The following FMN2 variants were observed in gnomAD, a reference collection of about 807,000 sequenced individuals.
The protein encoded by FMN2 is formin-2.
FMN2 carries 51 observed loss-of-function variants against 142.3 expected under a neutral mutation model. That is an observed-to-expected ratio of 0.36 (90% CI 0.29 to 0.45). The LOEUF (loss-of-function observed/expected upper bound fraction) is 0.45, where lower values mean the gene tolerates loss of function less well. FMN2 is among the 20% of genes least tolerant of loss of function. The probability of loss-of-function intolerance (pLI) is 1.00; values close to 1 mark genes in which losing one functional copy is unlikely to be tolerated. For synonymous variants in FMN2, 882 were observed against 869.8 expected (o/e 1.01, Z -0.25); for missense variants, 1,936 against 2,122.8 (o/e 0.91, Z 1.73).
rs1054910739 is a variant in FMN2 at position 240,241,227 on chromosome 1, A to AT, written c.4066-16708dup. Among the ~76,000 whole-genome samples, 404 of 141,128 alleles carry AT rather than the reference A, an allele frequency of 2.9e-3. 2 individuals carry two copies. Among genetic ancestry groups the AT allele is most frequent in the South Asian group, 0.025 (109 of 4,442 alleles). 92.6% of individuals were successfully genotyped at this position (141,128 alleles called of 152,430 possible). On this transcript the variant is annotated intron_variant, in intron 6 of 17. Coordinates refer to ENST00000319653, the MANE Select transcript of FMN2 (RefSeq NM_020066.5). ...CACTTTGGTGTATTTTCAACTCTGG[A>AT]TTTTTTTTTTAATTGTATTTTTTTT... is the stretch of plus-strand genomic sequence containing the variant.
chr1:240,107,588 C>T (rs1052509850), intron 1 of FMN2, among the ~76,000 whole-genome samples: 1 of 151,958 alleles, frequency 6.6e-6, no homozygotes, highest in Non-Finnish European at 1.5e-5. Flanking sequence ...AAATTCATAA[C>T]CTGTCATAGG....
chr1:240,252,931 A>G (rs1668324232), intron 6 of FMN2, among the ~76,000 whole-genome samples: 1 of 117,646 alleles, frequency 8.5e-6, no homozygotes, highest in Non-Finnish European at 1.7e-5. Flanking sequence ...ATGGTGTCCC[A>G]TGTGTGATGT....
chr1:240,197,488 G>A (rs1368506939), intron 4 of FMN2, among the ~76,000 whole-genome samples: 1 of 152,178 alleles, frequency 6.6e-6, no homozygotes, highest in African/African-American at 2.4e-5. Flanking sequence ...GCTTGCATAT[G>A]AAGTGGGGGC....
chr1:240,468,863 G>A (rs553754740), intron 16 of FMN2, among the ~76,000 whole-genome samples: 3 of 152,116 alleles, frequency 2.0e-5, no homozygotes, highest in Non-Finnish European at 4.4e-5. Context: ...GGCTGTCTTC[G>A]TACCGACTTC....
intron 16 of FMN2, among the ~76,000 whole-genome samples, chr1:240,464,789 A>G (rs1676559665): frequency 6.6e-6 from 1 of 152,190 alleles, no homozygotes; most frequent in South Asian, 2.1e-4. Flanking sequence ...ACATTCCTGT[A>G]GTCCCTCCAG....
At chr1:240,462,195 T>G (rs565896632) in intron 16 of FMN2, among the ~76,000 whole-genome samples, 1 of 152,304 alleles carries the variant, frequency 6.6e-6, no homozygotes, top group East Asian at 1.9e-4. Flanking sequence ...AATGATTTTT[T>G]GGAATGAAAA....
rs373271766 is a variant in FMN2 at position 240,110,714 on chromosome 1, T to C, written c.1616-12465T>C. On this transcript the variant is annotated intron_variant, in intron 1 of 17. Coordinates refer to ENST00000319653, the MANE Select transcript of FMN2 (RefSeq NM_020066.5). ...CGTGAGGGGATTAGTACAGCAATAA[T>C]TGGAGAACATTAATGATTAATAAGT... Among the ~76,000 whole-genome samples, 27 of 152,080 alleles carry C rather than the reference T, an allele frequency of 1.8e-4. No homozygotes were observed. The South Asian group carries it at 5.6e-3, about 32-fold the overall frequency.
chr1:240,397,875 C>A (rs1673838608), intron 15 of FMN2, among the ~76,000 whole-genome samples: 1 of 150,670 alleles, frequency 6.6e-6, no homozygotes, highest in Non-Finnish European at 1.5e-5. Flanking sequence ...CCAAAATGGG[C>A]ACTATGACCT....
At position 240,122,174 on chromosome 1, in the gene FMN2, G is replaced by A. The variant is rs146490513; in HGVS notation, c.1616-1005G>A. Among the ~76,000 whole-genome samples, 1,276 of 152,046 alleles carry A rather than the reference G, an allele frequency of 8.4e-3. 5 individuals carry two copies. Among genetic ancestry groups the A allele is most frequent in the South Asian group, 0.02 (97 of 4,810 alleles). Reference sequence around the variant, plus strand: ...GTGATCGCGGCTCACTGCAACCTCTGCCTCCTGGGTTCAAGCGATTCTCCT... The same window carrying A: ...GTGATCGCGGCTCACTGCAACCTCTACCTCCTGGGTTCAAGCGATTCTCCT... On this transcript the variant is annotated intron_variant, in intron 1 of 17. Transcript: ENST00000319653.
At chr1:240,119,111 C>T (rs537700889) in intron 1 of FMN2, among the ~76,000 whole-genome samples, 2 of 151,814 alleles carry the variant, frequency 1.3e-5, no homozygotes, top group African/African-American at 2.4e-5. Flanking sequence ...GGGCGGATCA[C>T]GAGGTCAGGA....
intron 8 of FMN2, among the ~76,000 whole-genome samples, chr1:240,304,373 T>G (rs1163281977): frequency 6.6e-6 from 1 of 152,232 alleles, no homozygotes; most frequent in African/African-American, 2.4e-5. Context: ...TTTTGATTTT[T>G]GTAGTTTATC....
At chr1:240,156,326 TA>T (rs373933678) in intron 2 of FMN2, among the ~76,000 whole-genome samples, 1 of 152,094 alleles carries the variant, frequency 6.6e-6, no homozygotes, top group Non-Finnish European at 1.5e-5. Flanking sequence ...TTGAGGCAGA[TA>T]AAAAAAATCC....
intron 7 of FMN2, among the ~76,000 whole-genome samples, chr1:240,272,009 G>T (rs962715058): frequency 6.6e-6 from 1 of 152,080 alleles, no homozygotes; most frequent in Non-Finnish European, 1.5e-5. Context: ...CAATACTTGG[G>T]GTTGTACCAA....
chr1:240,168,088 G>T (rs143389434), intron 2 of FMN2, among the ~76,000 whole-genome samples: 120 of 152,260 alleles, frequency 7.9e-4, no homozygotes, highest in African/African-American at 2.8e-3. Flanking sequence ...CACAGTGGAT[G>T]CTGTGGTATT....
chr1:240,180,586 T>A (rs76815502), intron 3 of FMN2, among the ~76,000 whole-genome samples: 3 of 149,636 alleles, frequency 2.0e-5, no homozygotes, highest in Non-Finnish European at 4.4e-5. Flanking sequence ...TTTTTTTTTT[T>A]AATGGATTCT....
chr1:240,157,222 T>G (rs1408521157), intron 2 of FMN2, among the ~76,000 whole-genome samples: 1 of 152,216 alleles, frequency 6.6e-6, no homozygotes, highest in African/African-American at 2.4e-5. Context: ...CTTTAACGTT[T>G]CATGCTGACA....
At chr1:240,380,821 G>A (rs367547027) in intron 14 of FMN2, among the ~76,000 whole-genome samples, 16 of 150,230 alleles carry the variant, frequency 1.1e-4, no homozygotes, top group Non-Finnish European at 1.8e-4. Context: ...TCTTTGAAAC[G>A]ATAAACAAAA....
At chr1:240,306,194 C>A (rs1670393783) in intron 8 of FMN2, among the ~76,000 whole-genome samples, 1 of 152,084 alleles carries the variant, frequency 6.6e-6, no homozygotes, top group South Asian at 2.1e-4. Flanking sequence ...ATGGTCCACC[C>A]ACCTCGGCTT....
intron 15 of FMN2, among the ~76,000 whole-genome samples, chr1:240,426,775 A>T (rs1267189515): frequency 2.0e-5 from 3 of 152,046 alleles, no homozygotes; most frequent in Non-Finnish European, 4.4e-5. Context: ...TTGCTCTGTC[A>T]CCCAGGATGG....
Sources: allele counts gnomAD v4.1 joint callset (sites outside exome capture counted in the v4.1 genomes callset), GRCh38; gene constraint gnomAD v4.1.1; transcripts MANE v1.5; gene names NCBI Gene and HGNC (gene_info 2026-07-23, HGNC 2026-07-21).